UNC79: variants seen among roughly 807,000 people sequenced by gnomAD.
UNC79 encodes the protein unc-79 subunit of NALCN channel complex, also known as protein unc-79 homolog.
In UNC79, 37 loss-of-function variants were observed where a neutral mutation model predicts 283.1. The ratio of observed to expected loss-of-function variants is 0.13; its 90% CI spans 0.10 to 0.17. The LOEUF is 0.17. UNC79 is among the 10% of genes least tolerant of loss of function. The pLI is 1.00. For missense variants in UNC79, 2,272 were observed against 3,211.1 expected (o/e 0.71, Z 7.07); for synonymous variants, 1,107 against 1,200.2 (o/e 0.92, Z 1.61).
At chr14:93,527,809 G>C (rs1018836930) in intron 8 of UNC79, among the ~76,000 whole-genome samples, 1 of 152,168 alleles carries the variant, frequency 6.6e-6, no homozygotes, top group Non-Finnish European at 1.5e-5. Flanking sequence ...ACAAAATGCA[G>C]TTAGTTATCT....
chr14:93,414,730 A>G (rs1475821057), intron 1 of UNC79, among the ~76,000 whole-genome samples: 1 of 152,090 alleles, frequency 6.6e-6, no homozygotes, highest in Non-Finnish European at 1.5e-5. Flanking sequence ...GTTCTCCTTG[A>G]AGAGGTCCTT....
chr14:93,585,561 T>G (rs1392427936), intron 20 of UNC79, among the ~76,000 whole-genome samples: 1 of 152,242 alleles, frequency 6.6e-6, no homozygotes. Flanking sequence ...CTTTTCAGTA[T>G]CTAGATCAAG....
chr14:93,511,188 C>A lies in UNC79; in HGVS notation c.899-12790C>A. ...ATGAGAACAGCAAAGGGGAAATCCA[C>A]TCCCACGATCTAGTCACCTTCCACT... On this transcript the variant is annotated intron_variant, in intron 7 of 48. Transcript: ENST00000555664. Among the ~76,000 whole-genome samples, 2 of 152,164 alleles carry A rather than the reference C, an allele frequency of 1.3e-5. 1 individual carries two copies. Among genetic ancestry groups the A allele is most frequent in the East Asian group, 3.9e-4 (2 of 5,190 alleles).
intron 14 of UNC79, among the ~76,000 whole-genome samples, chr14:93,543,153 A>C (rs752366948): frequency 6.6e-6 from 1 of 151,990 alleles, no homozygotes; most frequent in Non-Finnish European, 1.5e-5. Context: ...ATCTTTGGAA[A>C]GATTACCATT....
Position 93,580,382 on chromosome 14 carries a change from C to T in UNC79, c.2661+6C>T, listed in dbSNP as rs2063724208. ...AAGAAGAAAGCCGGCTGGTGGTAAG[C>T]AGTTGAAGAAACGAGATGACCCATG... is the stretch of plus-strand genomic sequence containing the variant. On this transcript the variant is annotated splice_donor_region_variant and intron_variant, in intron 19 of 48. Coordinates refer to ENST00000555664, the Ensembl canonical transcript of UNC79. 6.2e-7 allele frequency: 1 copy of T among 1,612,122 alleles called. No individual in the cohort carries two copies. The highest frequency in any genetic ancestry group is 8.5e-7 in the Non-Finnish European group (1 of 1,179,442).
At chr14:93,637,607 A>C (rs575228294) in intron 32 of UNC79, among the ~76,000 whole-genome samples, 1 of 152,242 alleles carries the variant, frequency 6.6e-6, no homozygotes, top group South Asian at 2.1e-4. Context: ...ACAGGCATGC[A>C]CCACCACACC....
intron 27 of UNC79, among the ~76,000 whole-genome samples, chr14:93,613,931 C>T (rs764781660): frequency 2.4e-4 from 36 of 151,792 alleles, no homozygotes; most frequent in Admixed American, 6.6e-5. Context: ...TTTGGAGCTA[C>T]GTAAAGCCTT....
intron 4 of UNC79, among the ~76,000 whole-genome samples, chr14:93,481,556 G>A (rs757683259): frequency 2.0e-5 from 3 of 152,110 alleles, no homozygotes; most frequent in Non-Finnish European, 2.9e-5. Context: ...AGACTATGCG[G>A]TCTCATCTAG....
At chr14:93,674,129 A>G (rs1172952829) in intron 41 of UNC79, among the ~76,000 whole-genome samples, 2 of 152,178 alleles carry the variant, frequency 1.3e-5, no homozygotes, top group Non-Finnish European at 2.9e-5. Context: ...GAGACAGGCT[A>G]TGATAGTGCC....
chr14:93,333,320 G>A (rs1257501515), exon 1 of UNC79: 1 of 398,984 alleles, frequency 2.5e-6, no homozygotes, highest in Non-Finnish European at 4.4e-6. Flanking sequence ...ATTATTAAAT[G>A]TATCAGAATA....
intron 35 of UNC79, among the ~76,000 whole-genome samples, chr14:93,651,205 A>G (rs1480484578): frequency 1.3e-5 from 2 of 152,164 alleles, no homozygotes; most frequent in African/African-American, 4.8e-5. Flanking sequence ...AGTAAGTGTT[A>G]AAGTCAGGTA....
At chr14:93,498,892 G>T (rs890699894) in intron 7 of UNC79, among the ~76,000 whole-genome samples, 1 of 152,100 alleles carries the variant, frequency 6.6e-6, no homozygotes, top group African/African-American at 2.4e-5. Context: ...GAGAGAGAGA[G>T]ATATTTTTGC....
chr14:93,662,298 A>G (rs1435657420), intron 39 of UNC79, among the ~76,000 whole-genome samples: 1 of 152,184 alleles, frequency 6.6e-6, no homozygotes, highest in Non-Finnish European at 1.5e-5. Flanking sequence ...CAAACCCCAC[A>G]CTCTTGATTG....
chr14:93,333,524 G>A lies in UNC79; in HGVS notation c.-351+1G>A. The A allele has an allele frequency of 2.5e-6, 1 of 398,264 alleles. No individual in the cohort carries two copies. Among genetic ancestry groups the A allele is most frequent in the Non-Finnish European group, 4.4e-6 (1 of 225,882 alleles). 24.7% of individuals were successfully genotyped at this position (398,264 alleles called of 1,614,324 possible). On this transcript the variant is annotated splice_donor_variant, in intron 1 of 49. Coordinates refer to the UNC79 transcript ENST00000256339. LOFTEE classifies it low-confidence loss of function (5UTR_SPLICE). The stretch of plus-strand genomic sequence containing the variant: ...TCTTGGCAGTGAGCACTTGTCTATC[G>A]TAAGCACTTGTCTGCATGGTACTTT...
In UNC79 at chr14:93,577,826, C is replaced by G. The variant is rs777438912; in HGVS notation, c.2212-16C>G. The G allele has an allele frequency of 1.2e-6, 2 of 1,611,590 alleles. No homozygotes were observed. Among genetic ancestry groups the G allele is most frequent in the Admixed American group, 3.3e-5 (2 of 59,812 alleles). ...TCTGTGAGTTCATTTCTATGTGTTGCCATTCTTTCTTGTAGGTGAGTGTTG... is the reference window on the plus strand; with the variant it reads ...TCTGTGAGTTCATTTCTATGTGTTGGCATTCTTTCTTGTAGGTGAGTGTTG... On this transcript the variant is annotated splice_polypyrimidine_tract_variant and intron_variant, in intron 17 of 48. Transcript: ENST00000555664.
intron 1 of UNC79, among the ~76,000 whole-genome samples, 160 bp from the exon 2 acceptor site, chr14:93,467,511 A>G (rs972057062): frequency 2.6e-5 from 4 of 151,492 alleles, no homozygotes; most frequent in African/African-American, 9.7e-5. Context: ...AATTCTATTA[A>G]AAATTTACTT....
Position 93,524,062 on chromosome 14 carries a change from G to C in UNC79, c.963+20G>C, listed in dbSNP as rs367894314. On this transcript the variant is annotated intron_variant, in intron 8 of 48. Transcript: ENST00000555664. ...GTGAAGGTACTGTTTTATTAGACCT[G>C]GTGCCATACTGTATTGTCAGTGGTC... 11 of 1,613,340 alleles carry C rather than the reference G, an allele frequency of 6.8e-6. No homozygotes were observed. The East Asian group carries it at 2.2e-4, about 33-fold the overall frequency.
intron 4 of UNC79, among the ~76,000 whole-genome samples, chr14:93,485,235 C>CGTGT (rs35445070): frequency 2.1e-5 from 3 of 145,040 alleles, no homozygotes; most frequent in African/African-American, 5.1e-5. Flanking sequence ...TATATATATA[C>CGTGT]GTGTGTGTGT....
At position 93,660,563 on chromosome 14, in the gene UNC79, ATG is replaced by A. The variant is rs1555394962; in HGVS notation, c.6525+1318_6525+1319del. Among the ~76,000 whole-genome samples the A allele has an allele frequency of 5.9e-3, 379 of 64,602 alleles. 6 individuals are homozygous for A. The highest frequency in any genetic ancestry group is 6.6e-3 in the African/African-American group (103 of 15,574). 42.4% of individuals were successfully genotyped at this position (64,602 alleles called of 152,430 possible). ...TATATATATATATATATATATATAT[ATG>A]TGTGTGTGTGTGTGTTCATTTTATT... On this transcript the variant is annotated intron_variant, in intron 39 of 48. Transcript: ENST00000555664.
Sources: gnomAD v4.1 joint callset for allele counts (sites outside exome capture counted in the v4.1 genomes callset) on GRCh38, gnomAD v4.1.1 for gene constraint, MANE v1.5 for transcripts, NCBI Gene and HGNC (gene_info 2026-07-23, HGNC 2026-07-21) for gene names.